C5: variants seen among roughly 807,000 people sequenced by gnomAD.
C5 encodes C3 and PZP-like alpha-2-macroglobulin domain-containing protein 4.
A neutral mutation model predicts 218.8 loss-of-function variants in C5; 140 were observed. The ratio of observed to expected loss-of-function variants is 0.64; its 90% CI spans 0.56 to 0.74. The LOEUF is 0.74. Among genes scored for constraint, C5 ranks in the 30% least tolerant of loss-of-function variants. The pLI, the probability that C5 is intolerant of heterozygous loss-of-function variation, is 0.00. For synonymous variants in C5, 614 were observed against 682.3 expected (o/e 0.90, Z 1.56); for missense variants, 1,700 against 1,969.6 (o/e 0.86, Z 2.59).
At position 120,972,070 on chromosome 9, in the gene C5, G is replaced by C. The variant is rs573417958; in HGVS notation, c.4018-78C>G. 171 of 1,181,132 alleles carry C rather than the reference G, an allele frequency of 1.4e-4. No individual in the cohort carries two copies. The African/African-American group carries it at 2.2e-3, about 15-fold the overall frequency. 73.2% of individuals were successfully genotyped at this position (1,181,132 alleles called of 1,614,324 possible). ...AGGGAGGATAGAGCTATGAAAAGTG[G>C]GTTGACATGTACCAGCCTCCTCTCT... is the stretch of plus-strand genomic sequence containing the variant. On this transcript the variant is annotated intron_variant, in intron 30 of 40. Coordinates refer to ENST00000223642, the MANE Select transcript of C5 (RefSeq NM_001735.3).
chr9:121,052,850 T>C (rs2131833668), upstream of C5, among the ~76,000 whole-genome samples: 1 of 152,370 alleles, frequency 6.6e-6, no homozygotes, highest in Non-Finnish European at 1.5e-5. Context: ...GTAAAATATG[T>C]CTGGACACCA....
chr9:121,034,904 AAAAC>A lies in C5; in HGVS notation c.493-14_493-11del. ...CTGATCCTTCAGGATCCTGTAAATA[AAAAC>A]AAACACCCTCAAAGGCCAGAAACTA... is the stretch of plus-strand genomic sequence containing the variant. On this transcript the variant is annotated splice_polypyrimidine_tract_variant and intron_variant, in intron 4 of 40. Transcript: ENST00000223642. 6.9e-7 allele frequency: 1 copy of A among 1,439,104 alleles called. No homozygotes were observed. Among genetic ancestry groups the A allele is most frequent in the Non-Finnish European group, 9.8e-7 (1 of 1,025,078 alleles). 89.1% of individuals were successfully genotyped at this position (1,439,104 alleles called of 1,614,324 possible).
the C5 span, among the ~76,000 whole-genome samples, chr9:121,063,770 T>C: frequency 5.3e-5 from 8 of 152,320 alleles, no homozygotes; most frequent in South Asian, 1.2e-3. Flanking sequence ...AGAAAGGTCA[T>C]AGGACTGCAA....
intron 17 of C5, among the ~76,000 whole-genome samples, chr9:121,009,657 C>T (rs559816502): frequency 1.3e-5 from 2 of 152,222 alleles, no homozygotes; most frequent in Non-Finnish European, 2.9e-5. Context: ...ATTTTAACAA[C>T]TAACTACACA....
chr9:120,958,961 A>AT (rs1442660047), intron 38 of C5, among the ~76,000 whole-genome samples: 1 of 151,958 alleles, frequency 6.6e-6, no homozygotes, highest in Non-Finnish European at 1.5e-5. Context: ...TAATTTTTGT[A>AT]TTTTTTGTAG....
upstream of C5, chr9:121,050,419 C>A (rs1294688244): frequency 1.6e-6 from 1 of 638,594 alleles, no homozygotes; most frequent in Non-Finnish European, 2.8e-6. Flanking sequence ...CCCAGGAATA[C>A]AGATAGGGAG....
At chr9:120,977,027 A>G in intron 28 of C5, 122 bp from the exon 29 acceptor site, 3 of 825,552 alleles carry the variant, frequency 3.6e-6, no homozygotes, top group Non-Finnish European at 6.0e-6. Flanking sequence ...TTGTTAGAGG[A>G]ACTTCCTGAA....
intron 39 of C5, among the ~76,000 whole-genome samples, chr9:120,954,761 T>C (rs2046772681): frequency 6.6e-6 from 1 of 152,210 alleles, no homozygotes; most frequent in Non-Finnish European, 1.5e-5. Flanking sequence ...TGGCAAATAG[T>C]GTATAATAGA....
At chr9:121,002,557 C>T (rs1218035979) in intron 20 of C5, among the ~76,000 whole-genome samples, 1 of 151,596 alleles carries the variant, frequency 6.6e-6, no homozygotes, top group Non-Finnish European at 1.5e-5. Flanking sequence ...CCTTTGGTAG[C>T]CAAGATCAGT....
At chr9:121,008,275 A>G in intron 18 of C5, 133 bp downstream of exon 18, 1 of 714,666 alleles carries the variant, frequency 1.4e-6, no homozygotes. Flanking sequence ...AAAACAAAAC[A>G]AAATTTGATC....
chr9:121,016,670 T>C (rs1399890100), intron 14 of C5, among the ~76,000 whole-genome samples: 1 of 152,222 alleles, frequency 6.6e-6, no homozygotes, highest in East Asian at 1.9e-4. Context: ...ATAGAATGAA[T>C]GCTGCAATCA....
At chr9:120,956,659 A>C (rs1036779758) in intron 39 of C5, among the ~76,000 whole-genome samples, 4 of 152,220 alleles carry the variant, frequency 2.6e-5, no homozygotes, top group Non-Finnish European at 5.9e-5. Flanking sequence ...TTCAAACTAT[A>C]TTACAAGGCT....
chr9:120,996,366 A>T, intron 21 of C5, 66 bp from the exon 22 acceptor site: 1 of 1,390,860 alleles, frequency 7.2e-7, no homozygotes, highest in South Asian at 1.2e-5. Flanking sequence ...TCCCTGGATC[A>T]ACTTTTCTGG....
At chr9:120,977,595 T>C (rs1308903357) in intron 28 of C5, among the ~76,000 whole-genome samples, 1 of 152,120 alleles carries the variant, frequency 6.6e-6, no homozygotes, top group Non-Finnish European at 1.5e-5. Flanking sequence ...GCTGGGACTA[T>C]AGGGGTGTGC....
In C5 at chr9:121,018,747, AAGGAAGGAAGGAAGGAAGG is replaced by A. The variant is rs1564154006; in HGVS notation, c.1507-914_1507-896del. 1.6e-3 allele frequency among the ~76,000 whole-genome samples: 128 copies of A among 78,350 alleles called. 1 individual carries two copies. The highest frequency in any genetic ancestry group is 6.0e-3 in the African/African-American group (114 of 18,888). The allele number at this position is 78,350 out of a possible 152,430, so 51.4% of individuals were successfully genotyped here. ...AAAGAAGGAAGGAAGGAAGGAAAGG[AAGGAAGGAAGGAAGGAAGG>A]AAGGAAGGAAGGAAGGAAGGAAGGA... On this transcript the variant is annotated intron_variant, in intron 12 of 40. Coordinates refer to ENST00000223642, the MANE Select transcript of C5 (RefSeq NM_001735.3).
rs368791591 is a variant in C5 at position 121,050,269 on chromosome 9, C to T, written c.-23G>A. ...CATGGTTGGAGGTAGCAGGAAACCA[C>T]GGATATAACACTTTTGAGGATAGTC... is the stretch of plus-strand genomic sequence containing the variant. On this transcript the variant is annotated 5_prime_UTR_variant, in exon 1 of 41. In the 5' UTR this introduces an upstream ATG that the reference lacks. Transcript: ENST00000223642. 60 of 1,581,996 alleles carry T rather than the reference C, an allele frequency of 3.8e-5. No homozygotes were observed. Among genetic ancestry groups the T allele is most frequent in the Non-Finnish European group, 4.3e-5 (49 of 1,150,980 alleles).
At chr9:121,028,315 A>G (rs2047442629) in intron 7 of C5, among the ~76,000 whole-genome samples, 1 of 152,232 alleles carries the variant, frequency 6.6e-6, no homozygotes, top group African/African-American at 2.4e-5. Context: ...AACTAGAAAT[A>G]CAATTTGACC....
At chr9:121,036,045 G>C (rs1437839740) in intron 4 of C5, among the ~76,000 whole-genome samples, 1 of 151,864 alleles carries the variant, frequency 6.6e-6, no homozygotes. Flanking sequence ...GCAAGACCCT[G>C]TCAAAAACAT....
intron 38 of C5, 92 bp downstream of exon 38, chr9:120,960,156 T>C: frequency 1.2e-6 from 1 of 805,372 alleles, no homozygotes; most frequent in Non-Finnish European, 2.1e-6. Flanking sequence ...TGTATTCATA[T>C]AATCACTATA....
Sources: allele counts gnomAD v4.1 joint callset (sites outside exome capture counted in the v4.1 genomes callset), GRCh38; gene constraint gnomAD v4.1.1; transcripts MANE v1.5; gene names NCBI Gene and HGNC (gene_info 2026-07-23, HGNC 2026-07-21).